The following UVRAG variants were observed in gnomAD, a reference collection of about 807,000 sequenced individuals.
UVRAG encodes the protein UV radiation resistance associated, also known as UV radiation resistance-associated gene protein.
Under a neutral mutation model 78.0 loss-of-function variants are expected in UVRAG, and 19 were observed. That is an observed-to-expected ratio of 0.24 (90% CI 0.17 to 0.36). UVRAG has a LOEUF of 0.36. Ranked by LOEUF, UVRAG falls within the 10% of genes least tolerant of loss-of-function variation. The pLI is 1.00. For missense variants in UVRAG, 740 were observed against 853.8 expected (o/e 0.87, Z 1.66); for synonymous variants, 323 against 324.6 (o/e 1.00, Z 0.05).
chr11:75,870,399 C>T (rs1946623576), intron 3 of UVRAG, among the ~76,000 whole-genome samples: 1 of 152,172 alleles, frequency 6.6e-6, no homozygotes, highest in South Asian at 2.1e-4. Context: ...GCTACAACAA[C>T]CCCCAAGAGT....
intron 12 of UVRAG, among the ~76,000 whole-genome samples, chr11:76,060,216 G>C (rs1010364726): frequency 2.6e-5 from 4 of 152,056 alleles, no homozygotes; most frequent in Admixed American, 1.3e-4. Context: ...ATGTGAATTA[G>C]TAAAAAAGAA....
intron 7 of UVRAG, among the ~76,000 whole-genome samples, chr11:75,969,180 C>T (rs1365712691): frequency 1.3e-5 from 2 of 152,148 alleles, no homozygotes; most frequent in South Asian, 2.1e-4. Flanking sequence ...TACCATTCTA[C>T]TTTTTGTCTC....
chr11:75,846,293 C>T lies in UVRAG; in HGVS notation c.118-5590C>T, dbSNP rs546026135. Among the ~76,000 whole-genome samples, 9 of 149,466 alleles carry T rather than the reference C, an allele frequency of 6.0e-5. No homozygotes were observed. The South Asian group carries it at 8.3e-4, about 14-fold the overall frequency. On this transcript the variant is annotated intron_variant, in intron 1 of 14. Coordinates refer to ENST00000356136, the MANE Select transcript of UVRAG (RefSeq NM_003369.4). ...TAGACAAGTTCTTAGATGTGAAGTGCGCTGTGTTCTCCATCTGGTGGGTGG... is the reference window on the plus strand; with the variant it reads ...TAGACAAGTTCTTAGATGTGAAGTGTGCTGTGTTCTCCATCTGGTGGGTGG...
At chr11:75,975,163 A>G (rs541991438) in intron 7 of UVRAG, among the ~76,000 whole-genome samples, 1 of 152,328 alleles carries the variant, frequency 6.6e-6, no homozygotes, top group African/African-American at 2.4e-5. Flanking sequence ...TTTGTCAAAG[A>G]TCAGATGGTT....
intron 13 of UVRAG, among the ~76,000 whole-genome samples, chr11:76,102,862 A>G (rs1226611307): frequency 6.6e-6 from 1 of 152,178 alleles, no homozygotes; most frequent in African/African-American, 2.4e-5. Context: ...GGGTGGGCTC[A>G]GCTGGTTTCT....
At chr11:76,090,744 A>G (rs925353118) in intron 13 of UVRAG, among the ~76,000 whole-genome samples, 1 of 151,972 alleles carries the variant, frequency 6.6e-6, no homozygotes, top group Non-Finnish European at 1.5e-5. Flanking sequence ...CTTATAACTA[A>G]TTTCATCCTA....
intron 1 of UVRAG, among the ~76,000 whole-genome samples, chr11:75,820,375 G>A (rs1040474132): frequency 2.2e-5 from 3 of 134,618 alleles, no homozygotes; most frequent in African/African-American, 8.2e-5. Flanking sequence ...TTTTTTTTGA[G>A]ACGGAGTCTC....
intron 13 of UVRAG, among the ~76,000 whole-genome samples, chr11:76,083,057 A>C (rs1221883089): frequency 6.6e-6 from 1 of 152,202 alleles, no homozygotes; most frequent in Non-Finnish European, 1.5e-5. Flanking sequence ...TGATCACACA[A>C]TATATCCTTG....
chr11:76,074,589 C>T (rs1031881590), intron 13 of UVRAG, among the ~76,000 whole-genome samples: 1 of 152,172 alleles, frequency 6.6e-6, no homozygotes, highest in Non-Finnish European at 1.5e-5. Context: ...ATTTCATACT[C>T]TATGAAGTAT....
intron 13 of UVRAG, among the ~76,000 whole-genome samples, chr11:76,066,525 T>A (rs1951189249): frequency 6.6e-6 from 1 of 152,064 alleles, no homozygotes; most frequent in Non-Finnish European, 1.5e-5. Context: ...CAGGCTGGAG[T>A]GCAATGGCGC....
chr11:75,858,153 A>AT (rs111405999), intron 2 of UVRAG, among the ~76,000 whole-genome samples: 10,086 of 151,790 alleles, frequency 0.066, 1,112 homozygotes, highest in African/African-American at 0.23. Flanking sequence ...GGTAAAAAAA[A>AT]ATATATATGT....
intron 6 of UVRAG, among the ~76,000 whole-genome samples, chr11:75,958,691 A>G (rs1332605070): frequency 6.6e-6 from 1 of 152,204 alleles, no homozygotes; most frequent in Non-Finnish European, 1.5e-5. Context: ...CCCATGAATC[A>G]TGAATGTTCT....
chr11:76,131,739 C>G (rs1952515700), intron 14 of UVRAG, among the ~76,000 whole-genome samples: 1 of 152,160 alleles, frequency 6.6e-6, no homozygotes, highest in Non-Finnish European at 1.5e-5. Flanking sequence ...TTACACTTAT[C>G]TGGTAATGGT....
chr11:76,077,985 C>G (rs1951433044), intron 13 of UVRAG, among the ~76,000 whole-genome samples: 1 of 152,328 alleles, frequency 6.6e-6, no homozygotes, highest in South Asian at 2.1e-4. Context: ...TGAGTGACAT[C>G]TTTTGCTGGG....
In UVRAG at chr11:76,015,509, A is replaced by G. The variant is rs138491769; in HGVS notation, c.1061-1306A>G. Among the ~76,000 whole-genome samples, 441 of 152,282 alleles carry G rather than the reference A, an allele frequency of 2.9e-3. 6 individuals are homozygous for G. The highest frequency in any genetic ancestry group is 0.01 in the African/African-American group (420 of 41,564). On this transcript the variant is annotated intron_variant, in intron 11 of 14. Coordinates refer to ENST00000356136, the MANE Select transcript of UVRAG (RefSeq NM_003369.4). ...TTTGTTTATCTGTAAAAGGAATGCA[A>G]TAGCATTTAAAAGGTGTTTAACATT...
intron 8 of UVRAG, among the ~76,000 whole-genome samples, chr11:75,987,761 A>T (rs1591099698): frequency 6.8e-6 from 1 of 147,214 alleles, no homozygotes; most frequent in Non-Finnish European, 1.5e-5. Context: ...TTTGAGATGG[A>T]GTTTCGCTCT....
chr11:76,126,581 A>G (rs1952399317), intron 14 of UVRAG, among the ~76,000 whole-genome samples: 1 of 152,200 alleles, frequency 6.6e-6, no homozygotes, highest in South Asian at 2.1e-4. Flanking sequence ...ACTTTTTAGC[A>G]TCATTTTTAA....
At chr11:75,976,845 G>A (rs1456224306) in intron 7 of UVRAG, among the ~76,000 whole-genome samples, 1 of 151,854 alleles carries the variant, frequency 6.6e-6, no homozygotes, top group East Asian at 1.9e-4. Flanking sequence ...TTTTTTTGAA[G>A]GTTTTTTTGT....
intron 7 of UVRAG, among the ~76,000 whole-genome samples, chr11:75,974,404 G>C (rs963535943): frequency 7.5e-6 from 1 of 133,852 alleles, no homozygotes; most frequent in African/African-American, 2.8e-5. Context: ...CTGTCGCCCA[G>C]GCCGGACTGC....
Sources: allele counts gnomAD v4.1 joint callset (sites outside exome capture counted in the v4.1 genomes callset), GRCh38; gene constraint gnomAD v4.1.1; transcripts MANE v1.5; gene names NCBI Gene and HGNC (gene_info 2026-07-23, HGNC 2026-07-21).